NCMAP: variants seen among roughly 807,000 people sequenced by gnomAD.
NCMAP encodes noncompact myelin-associated protein.
Under a neutral mutation model 7.8 loss-of-function variants are expected in NCMAP, and 8 were observed. That is an observed-to-expected ratio of 1.02 (90% CI 0.60 to 1.84). The LOEUF is 1.84. NCMAP is among the 40% of genes most tolerant of loss of function. The pLI is 0.00. For synonymous variants in NCMAP, 41 were observed against 52.9 expected (o/e 0.78, Z 0.98); for missense variants, 112 against 131.4 (o/e 0.85, Z 0.72).
intron 3 of NCMAP, among the ~76,000 whole-genome samples, chr1:24,605,297 C>T (rs1220474112): frequency 1.3e-5 from 2 of 152,028 alleles, no homozygotes; most frequent in African/African-American, 4.8e-5. Flanking sequence ...ATACATGCTA[C>T]AACTTTGAAC....
At chr1:24,593,555 T>C (rs1263127348) in intron 1 of NCMAP, among the ~76,000 whole-genome samples, 1 of 152,174 alleles carries the variant, frequency 6.6e-6, no homozygotes, top group African/African-American at 2.4e-5. Flanking sequence ...TAAATGTGAA[T>C]GGTCAGTACG....
At chr1:24,587,906 A>G (rs935177690) in intron 1 of NCMAP, among the ~76,000 whole-genome samples, 1 of 152,222 alleles carries the variant, frequency 6.6e-6, no homozygotes, top group African/African-American at 2.4e-5. Flanking sequence ...AGTAAAAATT[A>G]CAAGATGCCA....
intron 2 of NCMAP, among the ~76,000 whole-genome samples, chr1:24,600,177 G>A (rs763254802): frequency 2.0e-5 from 3 of 151,388 alleles, no homozygotes; most frequent in African/African-American, 4.9e-5. Flanking sequence ...TTGAGATAGA[G>A]TCTTGCTCTG....
intron 3 of NCMAP, among the ~76,000 whole-genome samples, chr1:24,604,953 A>T (rs111836978): frequency 0.054 from 8,146 of 151,140 alleles, 748 homozygotes; most frequent in African/African-American, 0.19. Context: ...CATCTCTACT[A>T]AAAAATACAA....
chr1:24,586,030 C>G (rs1557599055), intron 1 of NCMAP, among the ~76,000 whole-genome samples: 3 of 152,204 alleles, frequency 2.0e-5, no homozygotes, highest in African/African-American at 7.2e-5. Flanking sequence ...CGAAGAAGGG[C>G]TGGGAACTGG....
intron 3 of NCMAP, among the ~76,000 whole-genome samples, 180 bp downstream of exon 3, chr1:24,601,204 C>G (rs1172916319): frequency 1.3e-5 from 2 of 152,112 alleles, no homozygotes; most frequent in Non-Finnish European, 2.9e-5. Context: ...TTCAAAGTGA[C>G]TATTTTTGTA....
At chr1:24,560,165 A>C (rs1370661379) in intron 1 of NCMAP, among the ~76,000 whole-genome samples, 1 of 91,324 alleles carries the variant, frequency 1.1e-5, no homozygotes. Context: ...CATCTCAAAA[A>C]AAAAAAAAAA....
intron 1 of NCMAP, among the ~76,000 whole-genome samples, chr1:24,592,978 G>C (rs1445646471): frequency 6.6e-6 from 1 of 151,878 alleles, no homozygotes; most frequent in Non-Finnish European, 1.5e-5. Flanking sequence ...TCAGGAGTTT[G>C]AGACTAGCCT....
chr1:24,583,831 C>T (rs1164044690), intron 1 of NCMAP, among the ~76,000 whole-genome samples: 1 of 152,014 alleles, frequency 6.6e-6, no homozygotes, highest in Non-Finnish European at 1.5e-5. Flanking sequence ...CCAGGATTGC[C>T]GAGGACGGTT....
At chr1:24,575,253 G>A (rs1651516178) in intron 1 of NCMAP, among the ~76,000 whole-genome samples, 1 of 151,966 alleles carries the variant, frequency 6.6e-6, no homozygotes. Flanking sequence ...TCAAGCAGGG[G>A]AAAGAACTTT....
Position 24,605,697 on chromosome 1 carries a change from C to G in NCMAP, c.259C>G (p.Pro87Ala). The change falls in exon 4 of 4, where the codon CCA becomes GCA. Residue 87 changes from proline (P) to alanine (A), a missense_variant. By Grantham distance (27) the Pro-to-Ala change is conservative. Coordinates refer to ENST00000374392, the MANE Select transcript of NCMAP (RefSeq NM_001010980.5). ...VGPNSNGSQHPATVTFSPVDV... is the reference protein window; with the variant it reads ...VGPNSNGSQHAATVTFSPVDV... ...CCCAAACAGCAACGGCAGCCAACAC[C>G]CAGCAACTGTGACCTTCAGTCCTGT... 1.2e-6 allele frequency: 2 copies of G among 1,614,168 alleles called. No homozygotes were observed. Among genetic ancestry groups the G allele is most frequent in the Non-Finnish European group, 1.7e-6 (2 of 1,180,048 alleles).
intron 3 of NCMAP, among the ~76,000 whole-genome samples, chr1:24,603,787 G>A (rs1332402286): frequency 6.6e-6 from 1 of 151,374 alleles, no homozygotes; most frequent in East Asian, 1.9e-4. Flanking sequence ...AATAGAGAAA[G>A]AGAAAGTAAT....
At chr1:24,565,951 T>A (rs1651215768) in intron 1 of NCMAP, among the ~76,000 whole-genome samples, 1 of 151,920 alleles carries the variant, frequency 6.6e-6, no homozygotes, top group African/African-American at 2.4e-5. Flanking sequence ...CGTGATAGAG[T>A]GAGTTCTCAT....
intron 1 of NCMAP, among the ~76,000 whole-genome samples, chr1:24,581,587 G>C (rs557369277): frequency 2.1e-4 from 32 of 152,362 alleles, no homozygotes; most frequent in African/African-American, 7.2e-4. Flanking sequence ...GTCGCTGGGA[G>C]AAGTCCAAGG....
intron 1 of NCMAP, among the ~76,000 whole-genome samples, chr1:24,567,831 G>A (rs1054393559): frequency 4.1e-4 from 62 of 152,334 alleles, no homozygotes; most frequent in African/African-American, 1.3e-3. Context: ...CAAGGAGCCA[G>A]GGTGTGGAGT....
intron 1 of NCMAP, among the ~76,000 whole-genome samples, chr1:24,566,556 T>C (rs1405649423): frequency 6.6e-6 from 1 of 152,178 alleles, no homozygotes. Flanking sequence ...GGCAAGTTCA[T>C]GGAAGACCTT....
intron 2 of NCMAP, among the ~76,000 whole-genome samples, chr1:24,600,336 T>C (rs376377980): frequency 6.7e-6 from 1 of 149,294 alleles, no homozygotes; most frequent in East Asian, 2.0e-4. Flanking sequence ...TTTTTATTTC[T>C]AGAAACAGGA....
intron 2 of NCMAP, among the ~76,000 whole-genome samples, chr1:24,597,501 A>G (rs1050518022): frequency 3.2e-4 from 33 of 102,200 alleles, no homozygotes; most frequent in Admixed American, 1.0e-3. Context: ...GAGACTGTCA[A>G]AAAAAGAAAG....
At chr1:24,591,187 G>A (rs1359311097) in intron 1 of NCMAP, among the ~76,000 whole-genome samples, 2 of 152,216 alleles carry the variant, frequency 1.3e-5, no homozygotes, top group Non-Finnish European at 2.9e-5. Flanking sequence ...TCTTTGCAGG[G>A]AGCTGCTGTG....
Sources: gnomAD v4.1 joint callset for allele counts (sites outside exome capture counted in the v4.1 genomes callset) on GRCh38, gnomAD v4.1.1 for gene constraint, MANE v1.5 for transcripts, NCBI Gene and HGNC (gene_info 2026-07-23, HGNC 2026-07-21) for gene names.